KLHL2: variants seen among roughly 807,000 people sequenced by gnomAD.
KLHL2 encodes the protein kelch like family member 2.
Under a neutral mutation model 75.8 loss-of-function variants are expected in KLHL2, and 15 were observed. The observed-to-expected ratio is 0.20, with a 90% CI of 0.13 to 0.30. The LOEUF (loss-of-function observed/expected upper bound fraction) is 0.30, where lower values mean the gene tolerates loss of function less well. Ranked by LOEUF, KLHL2 falls within the 10% of genes least tolerant of loss-of-function variation. The probability of loss-of-function intolerance (pLI) is 1.00; values close to 1 mark genes in which losing one functional copy is unlikely to be tolerated. For synonymous variants in KLHL2, 214 were observed against 251.9 expected (o/e 0.85, Z 1.42); for missense variants, 381 against 741.0 (o/e 0.51, Z 5.64).
chr4:165,281,806 A>G (rs1743713436), intron 5 of KLHL2, among the ~76,000 whole-genome samples: 1 of 152,136 alleles, frequency 6.6e-6, no homozygotes, highest in African/African-American at 2.4e-5. Flanking sequence ...TATGTATATT[A>G]TATATTATGT....
Position 165,319,572 on chromosome 4 carries a change from T to C in KLHL2, c.1753+1603T>C, listed in dbSNP as rs1015592490. On this transcript the variant is annotated intron_variant, in intron 14 of 14. Coordinates refer to ENST00000226725, the MANE Select transcript of KLHL2 (RefSeq NM_007246.4). This position sits in a 1 kb window ranked among gnomAD's most constrained non-coding sequence, Gnocchi z 4.5. ...AGCAGTTTTGAAAACTTCACACTTTTTGTGAAATCCCTTTTTATCTTGTGT... is the reference window on the plus strand; with the variant it reads ...AGCAGTTTTGAAAACTTCACACTTTCTGTGAAATCCCTTTTTATCTTGTGT... 5.3e-5 allele frequency among the ~76,000 whole-genome samples: 8 copies of C among 152,200 alleles called. No homozygotes were observed. The highest frequency in any genetic ancestry group is 8.8e-5 in the Non-Finnish European group (6 of 68,034).
intron 5 of KLHL2, among the ~76,000 whole-genome samples, chr4:165,270,325 A>G (rs572023279): frequency 4.6e-5 from 7 of 152,216 alleles, no homozygotes; most frequent in South Asian, 2.1e-4. Context: ...ACTTCTGTCA[A>G]TTTGGCAAAC....
chr4:165,315,467 TAATC>T (rs1746527876), intron 13 of KLHL2, among the ~76,000 whole-genome samples: 2 of 152,198 alleles, frequency 1.3e-5, no homozygotes, highest in South Asian at 2.1e-4. Context: ...GTTTATTTGA[TAATC>T]AGGAAGAGAG....
chr4:165,297,862 C>T, intron 7 of KLHL2, 137 bp downstream of exon 7: 1 of 656,468 alleles, frequency 1.5e-6, no homozygotes, highest in East Asian at 2.6e-5. Flanking sequence ...AGTAAAGGAC[C>T]CCGCAGGCTG....
intron 4 of KLHL2, among the ~76,000 whole-genome samples, chr4:165,262,055 T>G (rs901688384): frequency 5.9e-5 from 9 of 152,214 alleles, no homozygotes; most frequent in Non-Finnish European, 1.3e-4. Flanking sequence ...TCTCCTTAAT[T>G]TGACTTTCAA....
At chr4:165,296,039 A>T (rs772968987) in intron 6 of KLHL2, among the ~76,000 whole-genome samples, 1 of 152,224 alleles carries the variant, frequency 6.6e-6, no homozygotes, top group East Asian at 1.9e-4. Context: ...TAACCATTTT[A>T]TGCTAACAAT....
intron 5 of KLHL2, among the ~76,000 whole-genome samples, chr4:165,272,377 C>T (rs1285120026): frequency 6.6e-6 from 1 of 152,078 alleles, no homozygotes; most frequent in Non-Finnish European, 1.5e-5. Context: ...TTCTGTTCAA[C>T]TAAGTAGAAA....
At chr4:165,254,852 T>C (rs1318374198) in intron 4 of KLHL2, among the ~76,000 whole-genome samples, 4 of 152,232 alleles carry the variant, frequency 2.6e-5, no homozygotes, top group Non-Finnish European at 2.9e-5. Flanking sequence ...GGAAGCTACC[T>C]ATATTGTGAA....
At chr4:165,251,047 T>G (rs1490370758) in intron 4 of KLHL2, among the ~76,000 whole-genome samples, 1 of 151,132 alleles carries the variant, frequency 6.6e-6, no homozygotes, top group East Asian at 1.9e-4. Flanking sequence ...CATTTCTGTT[T>G]TCTTTCTCTT....
chr4:165,275,346 G>A (rs560094605), intron 5 of KLHL2, among the ~76,000 whole-genome samples: 1 of 152,154 alleles, frequency 6.6e-6, no homozygotes, highest in East Asian at 1.9e-4. Flanking sequence ...AAAATATAGA[G>A]GAGATAAAAA....
At chr4:165,311,421 AT>A in intron 10 of KLHL2, 42 bp from the exon 11 acceptor site, 1 of 1,422,896 alleles carries the variant, frequency 7.0e-7, no homozygotes, top group Admixed American at 1.8e-5. Context: ...AACTATTGAC[AT>A]TTTTTAGAGA....
At chr4:165,273,643 C>T (rs1371981864) in intron 5 of KLHL2, among the ~76,000 whole-genome samples, 1 of 152,176 alleles carries the variant, frequency 6.6e-6, no homozygotes, top group Non-Finnish European at 1.5e-5. Context: ...TGCTGCCATC[C>T]GTGTAAGACA....
intron 2 of KLHL2, among the ~76,000 whole-genome samples, chr4:165,221,268 T>C (rs758380263): frequency 1.3e-5 from 2 of 152,178 alleles, no homozygotes; most frequent in Non-Finnish European, 2.9e-5. Flanking sequence ...TGATAGTAAG[T>C]GTTGCAGAGG....
At chr4:165,318,605 G>GTAC (rs1746747647) in intron 14 of KLHL2, among the ~76,000 whole-genome samples, 1 of 152,146 alleles carries the variant, frequency 6.6e-6, no homozygotes, top group East Asian at 1.9e-4. Flanking sequence ...ATTCAAAACA[G>GTAC]TACTGAGAAG....
intron 4 of KLHL2, among the ~76,000 whole-genome samples, chr4:165,255,911 T>A (rs1219274616): frequency 6.6e-6 from 1 of 152,124 alleles, no homozygotes; most frequent in Admixed American, 6.6e-5. Flanking sequence ...AGTCTCTTCC[T>A]AATAAGCAAA....
chr4:165,267,279 T>C (rs972813905), intron 5 of KLHL2, among the ~76,000 whole-genome samples: 3 of 152,216 alleles, frequency 2.0e-5, no homozygotes, highest in African/African-American at 7.2e-5. Context: ...TGACTTCCTC[T>C]CTTCCTAACT....
chr4:165,298,959 A>G (rs1228040483), intron 7 of KLHL2, among the ~76,000 whole-genome samples: 2 of 33,582 alleles, frequency 6.0e-5, no homozygotes, highest in Admixed American at 8.1e-4. Context: ...CCCCCCCAGA[A>G]AAAAGAAAAC....
At chr4:165,226,738 T>C (rs1738469666) in intron 2 of KLHL2, among the ~76,000 whole-genome samples, 2 of 152,174 alleles carry the variant, frequency 1.3e-5, no homozygotes, top group Non-Finnish European at 2.9e-5. Context: ...AAATAAATTA[T>C]TTATTATTTA....
chr4:165,302,867 C>T (rs1359438538), intron 8 of KLHL2, among the ~76,000 whole-genome samples: 2 of 152,156 alleles, frequency 1.3e-5, no homozygotes. Context: ...CCTCCTACCC[C>T]TTGCCCTCTT....
Sources: allele counts gnomAD v4.1 joint callset (sites outside exome capture counted in the v4.1 genomes callset), GRCh38; gene constraint gnomAD v4.1.1; non-coding constraint Gnocchi (gnomAD v3.1); transcripts MANE v1.5; gene names NCBI Gene and HGNC (gene_info 2026-07-23, HGNC 2026-07-21).